The following GPC5 variants were observed in gnomAD, a reference collection of about 807,000 sequenced individuals.
GPC5 encodes glypican 5, also known as glypican-5.
Under a neutral mutation model 53.9 loss-of-function variants are expected in GPC5, and 47 were observed. That is an observed-to-expected ratio of 0.87 (90% CI 0.69 to 1.11). The LOEUF (loss-of-function observed/expected upper bound fraction) is 1.11, where lower values mean the gene tolerates loss of function less well. Among genes scored for constraint, GPC5 ranks in the 50% most tolerant of loss-of-function variants. The pLI, the probability that GPC5 is intolerant of heterozygous loss-of-function variation, is 0.00. For synonymous variants in GPC5, 286 were observed against 263.3 expected, an observed-to-expected ratio of 1.09 and a Z score of -0.84; for missense variants, 748 against 713.1, an observed-to-expected ratio of 1.05 and a Z score of -0.56.
chr13:91,583,589 A>G (rs1594290090), intron 2 of GPC5, among the ~76,000 whole-genome samples: 1 of 96,770 alleles, frequency 1.0e-5, no homozygotes, highest in African/African-American at 4.0e-5. Context: ...AATAATCGCA[A>G]TCAAAATTTT....
At chr13:92,013,429 C>G (rs2040679341) in intron 6 of GPC5, among the ~76,000 whole-genome samples, 1 of 152,194 alleles carries the variant, frequency 6.6e-6, no homozygotes, top group Non-Finnish European at 1.5e-5. Context: ...CAAGCTGCTT[C>G]TCTCTCCTCT....
intron 4 of GPC5, among the ~76,000 whole-genome samples, chr13:91,731,595 C>T (rs2036699222): frequency 6.6e-6 from 1 of 151,766 alleles, no homozygotes; most frequent in Non-Finnish European, 1.5e-5. Flanking sequence ...GTATGTGTGC[C>T]ATGGTGGATT....
intron 7 of GPC5, among the ~76,000 whole-genome samples, chr13:92,724,875 TACACAC>T (rs58824655): frequency 7.0e-4 from 96 of 137,722 alleles, no homozygotes; most frequent in East Asian, 2.5e-3. Flanking sequence ...GTCCTACACA[TACACAC>T]ACACACACAC....
chr13:92,051,386 G>C (rs1197754247), intron 6 of GPC5, among the ~76,000 whole-genome samples: 1 of 151,670 alleles, frequency 6.6e-6, no homozygotes, highest in Non-Finnish European at 1.5e-5. Flanking sequence ...ATTTCTAGTA[G>C]AGGCAGGGTT....
At chr13:92,499,102 GA>G (rs1401828784) in intron 7 of GPC5, among the ~76,000 whole-genome samples, 1 of 152,016 alleles carries the variant, frequency 6.6e-6, no homozygotes, top group Non-Finnish European at 1.5e-5. Flanking sequence ...CCTTAACATA[GA>G]AAAAATAGTT....
At chr13:92,704,899 G>GTA (rs573422127) in intron 7 of GPC5, among the ~76,000 whole-genome samples, 2,140 of 90,864 alleles carry the variant, frequency 0.024, 64 homozygotes, top group African/African-American at 0.079. Flanking sequence ...ATATATATGA[G>GTA]TATATATATA....
intron 4 of GPC5, among the ~76,000 whole-genome samples, chr13:91,749,499 A>G (rs947613513): frequency 2.0e-5 from 3 of 152,198 alleles, no homozygotes; most frequent in African/African-American, 7.2e-5. Flanking sequence ...GACTACAGGT[A>G]TCTTTTGATA....
At chr13:91,689,097 A>C (rs1289293714) in intron 2 of GPC5, among the ~76,000 whole-genome samples, 1 of 148,946 alleles carries the variant, frequency 6.7e-6, no homozygotes, top group African/African-American at 2.5e-5. Flanking sequence ...TGAGCACAGA[A>C]GGTTTAGGCT....
At chr13:92,264,868 CTCTCTCTCTCTGTGTG>C (rs1204349686) in intron 7 of GPC5, among the ~76,000 whole-genome samples, 13 of 117,406 alleles carry the variant, frequency 1.1e-4, no homozygotes, top group African/African-American at 5.3e-4. Flanking sequence ...CTCTCTCTCT[CTCTCTCTCTCTGTGTG>C]TGTGTGTGTG....
chr13:92,602,504 A>G (rs1884111223), intron 7 of GPC5, among the ~76,000 whole-genome samples: 1 of 151,900 alleles, frequency 6.6e-6, no homozygotes, highest in Non-Finnish European at 1.5e-5. Context: ...CCAAATCTGC[A>G]TGATCACTAA....
chr13:91,594,748 A>AG (rs2032927656), intron 2 of GPC5, among the ~76,000 whole-genome samples: 1 of 151,830 alleles, frequency 6.6e-6, no homozygotes, highest in South Asian at 2.1e-4. Context: ...GTGTGATCAC[A>AG]CCTCACTGCA....
chr13:91,615,647 A>G (rs1420076032), intron 2 of GPC5, among the ~76,000 whole-genome samples: 1 of 152,160 alleles, frequency 6.6e-6, no homozygotes, highest in East Asian at 1.9e-4. Flanking sequence ...AGCAGCTCAC[A>G]GGGCTTCCCC....
chr13:92,023,259 T>C (rs1483053166), intron 6 of GPC5, among the ~76,000 whole-genome samples: 1 of 152,060 alleles, frequency 6.6e-6, no homozygotes, highest in Non-Finnish European at 1.5e-5. Flanking sequence ...TCAAATTACA[T>C]CATGAACAAT....
At chr13:92,294,082 A>T (rs1365255801) in intron 7 of GPC5, among the ~76,000 whole-genome samples, 1 of 151,910 alleles carries the variant, frequency 6.6e-6, no homozygotes, top group African/African-American at 2.4e-5. Flanking sequence ...TATGTTGTTG[A>T]ATTTGGTTAC....
intron 7 of GPC5, among the ~76,000 whole-genome samples, chr13:92,171,857 C>T (rs929553810): frequency 6.6e-6 from 1 of 152,146 alleles, no homozygotes; most frequent in African/African-American, 2.4e-5. Context: ...TGCCTGCTAC[C>T]CTCATCCTGA....
intron 7 of GPC5, among the ~76,000 whole-genome samples, chr13:92,440,304 C>T (rs1877495067): frequency 6.6e-6 from 1 of 152,080 alleles, no homozygotes; most frequent in Admixed American, 6.5e-5. Flanking sequence ...ATCTTTATGT[C>T]TATAAGGGCC....
intron 7 of GPC5, chr13:92,241,658 A>G (rs192946829): frequency 1.3e-5 from 2 of 152,306 alleles, no homozygotes; most frequent in East Asian, 3.9e-4. Context: ...AAAATAGAGA[A>G]TAACTTACAA....
Position 91,593,570 on chromosome 13 carries a change from G to A in GPC5, c.326-99617G>A, listed in dbSNP as rs78314012. ...TCTTCAAATTTGTTCTGACTCTTGT[G>A]TCTTTCACCCTCTCTCTACAGGGTC... On this transcript the variant is annotated intron_variant, in intron 2 of 7. Transcript: ENST00000377067. Among the ~76,000 whole-genome samples, 389 of 152,172 alleles carry A rather than the reference G, an allele frequency of 2.6e-3. 2 individuals carry two copies. Among genetic ancestry groups the A allele is most frequent in the African/African-American group, 8.9e-3 (368 of 41,516 alleles).
intron 2 of GPC5, among the ~76,000 whole-genome samples, chr13:91,614,181 G>A (rs2033634814): frequency 6.6e-6 from 1 of 152,174 alleles, no homozygotes; most frequent in African/African-American, 2.4e-5. Context: ...GAGGAAACAT[G>A]AGCCTGGGAA....
Sources: allele counts gnomAD v4.1 joint callset (sites outside exome capture counted in the v4.1 genomes callset), GRCh38; gene constraint gnomAD v4.1.1; transcripts MANE v1.5; gene names NCBI Gene and HGNC (gene_info 2026-07-23, HGNC 2026-07-21).